TTYH1: variants seen among roughly 807,000 people sequenced by gnomAD.
The protein encoded by TTYH1 is protein tweety homolog 1.
Under a neutral mutation model 61.2 loss-of-function variants are expected in TTYH1, and 33 were observed. The observed-to-expected ratio is 0.54, with a 90% CI of 0.41 to 0.72. The LOEUF (loss-of-function observed/expected upper bound fraction) is 0.72, where lower values mean the gene tolerates loss of function less well. Among genes scored for constraint, TTYH1 ranks in the 30% least tolerant of loss-of-function variants. The probability of loss-of-function intolerance (pLI) is 0.00; values close to 1 mark genes in which losing one functional copy is unlikely to be tolerated. For missense variants in TTYH1, 538 were observed against 575.8 expected (o/e 0.93, Z 0.67); for synonymous variants, 308 against 266.4 (o/e 1.16, Z -1.52).
At chr19:54,431,065 G>A in intron 9 of TTYH1, 34 bp from the exon 10 acceptor site, 1 of 1,570,896 alleles carries the variant, frequency 6.4e-7, no homozygotes, top group Middle Eastern at 1.7e-4. Context: ...GGCCTGAAGA[G>A]TTCGTGGGAA....
chr19:54,426,410 T>G, intron 4 of TTYH1: 3 of 534,290 alleles, frequency 5.6e-6, no homozygotes, highest in African/African-American at 1.9e-5. Flanking sequence ...ACAGGGCACA[T>G]GTGTGTGGCC....
At chr19:54,430,090 G>A in intron 7 of TTYH1, 133 bp downstream of exon 7, 1 of 774,488 alleles carries the variant, frequency 1.3e-6, no homozygotes, top group Admixed American at 2.7e-5. Flanking sequence ...CAGCCCTCTG[G>A]AAGGGAAGCA....
chr19:54,423,564 G>A (rs570043392), intron 4 of TTYH1, among the ~76,000 whole-genome samples: 9 of 152,064 alleles, frequency 5.9e-5, no homozygotes, highest in Admixed American at 2.0e-4. Context: ...CTAACCACGC[G>A]GCTGCAATCA....
chr19:54,415,941 G>C lies in TTYH1; in HGVS notation c.126+263G>C, dbSNP rs2083068295. On this transcript the variant is annotated intron_variant, in intron 1 of 13. Transcript: ENST00000376530. This position sits in a 1 kb window ranked among gnomAD's most constrained non-coding sequence, Gnocchi z 5.2. The stretch of plus-strand genomic sequence containing the variant: ...TGCACCCCTGAGTTCATGGAGAGGA[G>C]GGGAGGGGGGCCCGGATTCCCGGGT... The C allele has an allele frequency of 1.0e-6, 1 of 993,620 alleles. No individual in the cohort carries two copies. The highest frequency in any genetic ancestry group is 1.5e-6 in the Non-Finnish European group (1 of 682,544). 61.6% of individuals were successfully genotyped at this position (993,620 alleles called of 1,614,324 possible).
At chr19:54,426,085 G>A (rs1261730218) in intron 4 of TTYH1, among the ~76,000 whole-genome samples, 1 of 152,196 alleles carries the variant, frequency 6.6e-6, no homozygotes, top group East Asian at 1.9e-4. Context: ...GTGTGTCCAC[G>A]TGCTTGGCAC....
At chr19:54,435,968 G>A (rs1465446892) in intron 12 of TTYH1, 95 bp downstream of exon 12, 21 of 1,582,422 alleles carry the variant, frequency 1.3e-5, no homozygotes, top group South Asian at 1.0e-4. Context: ...GCCTGGGTCT[G>A]AGGGAGGAGG....
At chr19:54,418,993 C>A in intron 1 of TTYH1, 135 bp from the exon 2 acceptor site, 1 of 887,378 alleles carries the variant, frequency 1.1e-6, no homozygotes, top group South Asian at 1.8e-5. Context: ...CCAATCTCCC[C>A]CAAGATTAGG....
At chr19:54,424,658 C>T (rs893721766) in intron 4 of TTYH1, among the ~76,000 whole-genome samples, 2 of 152,200 alleles carry the variant, frequency 1.3e-5, no homozygotes, top group African/African-American at 2.4e-5. Flanking sequence ...GACCCACCAT[C>T]ACTAGAAAAT....
chr19:54,435,242 T>C (rs1003977593), intron 10 of TTYH1: 24 of 370,682 alleles, frequency 6.5e-5, no homozygotes, highest in Non-Finnish European at 2.0e-5. Flanking sequence ...GGGTGCTGAC[T>C]GGGGAGGACC....
In TTYH1 at chr19:54,420,868, C is replaced by T. The variant is rs1191537972; in HGVS notation, c.306-409C>T. On this transcript the variant is annotated intron_variant, in intron 2 of 13. Transcript: ENST00000376530. This position sits in a 1 kb window ranked among gnomAD's most constrained non-coding sequence, Gnocchi z 4.8. ...CAGGCCCCAAGGACCCTAGGGCACC[C>T]TAGGACAGGTGCCAGGAGGGCTGCC... is the stretch of plus-strand genomic sequence containing the variant. 3.5e-6 allele frequency: 1 copy of T among 286,864 alleles called. No individual in the cohort carries two copies. The highest frequency in any genetic ancestry group is 4.3e-5 in the Admixed American group (1 of 23,154). 17.8% of individuals were successfully genotyped at this position (286,864 alleles called of 1,614,324 possible). A position where few individuals can be genotyped will look rare whatever the true frequency, so the allele number is the denominator to read the frequency against.
chr19:54,419,811 T>A lies in TTYH1; in HGVS notation c.305+505T>A, dbSNP rs1263668948. ...ATTCGACAACTGTTTATTGAGTATT[T>A]ACTATGTGCCAGATACTGACCAAGC... On this transcript the variant is annotated intron_variant, in intron 2 of 13. Transcript: ENST00000376530. This position sits in a 1 kb window ranked among gnomAD's most constrained non-coding sequence, Gnocchi z 6.1. Among the ~76,000 whole-genome samples, 1 of 152,186 alleles carries A rather than the reference T, an allele frequency of 6.6e-6. No individual in the cohort carries two copies. Among genetic ancestry groups the A allele is most frequent in the Non-Finnish European group, 1.5e-5 (1 of 68,030 alleles).
In TTYH1 at chr19:54,436,337, T is replaced by C. The variant is rs1188692452; in HGVS notation, c.*47T>C. Reference sequence around the variant, plus strand: ...TGTCTCTCCCTCTCTCCGCAGTTCCTTCCCTGGCTGCCGGAGGAGACCCCA... The same window carrying C: ...TGTCTCTCCCTCTCTCCGCAGTTCCCTCCCTGGCTGCCGGAGGAGACCCCA... On this transcript the variant is annotated 3_prime_UTR_variant, in exon 14 of 14. Transcript: ENST00000376530. The surrounding 1 kb of genome is among the most constrained non-coding windows in gnomAD (Gnocchi z 4.3). The C allele has an allele frequency of 1.2e-6, 2 of 1,614,066 alleles. No individual in the cohort carries two copies. Among genetic ancestry groups the C allele is most frequent in the Admixed American group, 3.3e-5 (2 of 60,010 alleles).
chr19:54,432,063 T>C (rs1031879520), intron 10 of TTYH1: 1 of 151,956 alleles, frequency 6.6e-6, no homozygotes, highest in African/African-American at 2.4e-5. Context: ...CTACTAAAAA[T>C]AGAAAAAGTT....
At chr19:54,424,486 G>T (rs528765820) in intron 4 of TTYH1, among the ~76,000 whole-genome samples, 3 of 152,222 alleles carry the variant, frequency 2.0e-5, no homozygotes, top group Non-Finnish European at 2.9e-5. Context: ...GGACACACCC[G>T]CAGGGCAGCA....
chr19:54,422,264 G>T lies in TTYH1; in HGVS notation c.492G>T (p.Pro164=). Residue 164 remains proline, a synonymous_variant, in exon 4 of 14, where the codon CCG becomes CCT. Transcript: ENST00000376530. ...ELTTLEEVLE[P]RTELVAAARG... ...CCACCCTGGAGGAGGTGCTCGAGCC[G>T]CGCACGGAGCTGGTGGCTGCCGCCC... 6.4e-7 allele frequency: 1 copy of T among 1,565,964 alleles called. No homozygotes were observed.
chr19:54,422,002 G>A (rs910236251), intron 3 of TTYH1, among the ~76,000 whole-genome samples, 188 bp from the exon 4 acceptor site: 5 of 152,140 alleles, frequency 3.3e-5, no homozygotes, highest in Non-Finnish European at 5.9e-5. Flanking sequence ...AGAGGCCACA[G>A]AACTCCATGA....
chr19:54,422,348 G>T lies in TTYH1; in HGVS notation c.576G>T (p.Trp192Cys). 1 of 1,575,112 alleles carries T rather than the reference G, an allele frequency of 6.3e-7. No individual in the cohort carries two copies. The highest frequency in any genetic ancestry group is 1.3e-5 in the African/African-American group (1 of 74,534). Reference sequence around the variant, plus strand: ...AGCAGCTGCAGGGGCTGGCCTTCTGGCAGGGAGTGCCCCTGAGCCCCCTGC... The same window carrying T: ...AGCAGCTGCAGGGGCTGGCCTTCTGTCAGGGAGTGCCCCTGAGCCCCCTGC... ...AAQQLQGLAF[W>C]QGVPLSPLQV... is the part of the protein sequence containing the mutation. Residue 192 changes from tryptophan (W) to cysteine (C), a missense_variant, in exon 4 of 14, where the codon TGG becomes TGT. Coordinates refer to ENST00000376530, the MANE Select transcript of TTYH1 (RefSeq NM_020659.4).
Position 54,415,740 on chromosome 19 carries a change from G to A in TTYH1, c.126+62G>A. 7.1e-7 allele frequency: 1 copy of A among 1,412,472 alleles called. No individual in the cohort carries two copies. The highest frequency in any genetic ancestry group is 1.4e-5 in the South Asian group (1 of 70,420). The allele number at this position is 1,412,472 out of a possible 1,614,324, so 87.5% of individuals were successfully genotyped here. A position where few individuals can be genotyped will look rare whatever the true frequency, so the allele number is the denominator to read the frequency against. Reference sequence around the variant, plus strand: ...GGGGCCGGAGCTCCTGGGTCCCGAGGGAGAAGGGGGCTGGGTCACAGATTT... The same window carrying A: ...GGGGCCGGAGCTCCTGGGTCCCGAGAGAGAAGGGGGCTGGGTCACAGATTT... On this transcript the variant is annotated intron_variant, in intron 1 of 13. Coordinates refer to ENST00000376530, the MANE Select transcript of TTYH1 (RefSeq NM_020659.4). This position sits in a 1 kb window ranked among gnomAD's most constrained non-coding sequence, Gnocchi z 5.2.
chr19:54,419,312 G>T lies in TTYH1; in HGVS notation c.305+6G>T. 1 of 1,594,216 alleles carries T rather than the reference G, an allele frequency of 6.3e-7. No individual in the cohort carries two copies. The highest frequency in any genetic ancestry group is 8.5e-7 in the Non-Finnish European group (1 of 1,176,128). On this transcript the variant is annotated splice_donor_region_variant and intron_variant, in intron 2 of 13. Transcript: ENST00000376530. This position sits in a 1 kb window ranked among gnomAD's most constrained non-coding sequence, Gnocchi z 6.1. Reference sequence around the variant, plus strand: ...GTCGCCCTTCTCGCCGGCTGGTAATGGGGCCCCAGGGTGGGTGGGCGGTGG... The same window carrying T: ...GTCGCCCTTCTCGCCGGCTGGTAATTGGGCCCCAGGGTGGGTGGGCGGTGG...
Sources: gnomAD v4.1 joint callset for allele counts (sites outside exome capture counted in the v4.1 genomes callset) on GRCh38, gnomAD v4.1.1 for gene constraint, Gnocchi (gnomAD v3.1) non-coding constraint, MANE v1.5 for transcripts, NCBI Gene and HGNC (gene_info 2026-07-23, HGNC 2026-07-21) for gene names.